Variants in NAALADL2 observed in about 807,000 individuals in gnomAD.
NAALADL2 encodes the protein N-acetylated alpha-linked acidic dipeptidase like 2, also known as inactive N-acetylated-alpha-linked acidic dipeptidase-like protein 2.
A neutral mutation model predicts 87.2 loss-of-function variants in NAALADL2; 76 were observed. The observed-to-expected ratio is 0.87, with a 90% CI of 0.72 to 1.05. The LOEUF is 1.05. Ranked by LOEUF, NAALADL2 falls within the 50% of genes least tolerant of loss-of-function variation. NAALADL2 has a pLI of 0.00. For missense variants in NAALADL2, 1,089 were observed against 945.8 expected, an observed-to-expected ratio of 1.15 and a Z score of -1.99; for synonymous variants, 354 against 331.0, an observed-to-expected ratio of 1.07 and a Z score of -0.75.
intron 1 of NAALADL2, 77 bp downstream of exon 1, chr3:174,859,527 G>A: frequency 8.0e-7 from 1 of 1,251,948 alleles, no homozygotes; most frequent in Non-Finnish European, 1.2e-6. Flanking sequence ...AAGTCTGTGT[G>A]TTTCTGTGTA....
At chr3:175,534,981 A>G (rs1734611698) in intron 9 of NAALADL2, among the ~76,000 whole-genome samples, 1 of 152,016 alleles carries the variant, frequency 6.6e-6, no homozygotes. Context: ...CTCAGGGTCA[A>G]AATCTCTACT....
At chr3:174,804,977 G>T (rs1253880214) in intron 3 of NAALADL2, among the ~76,000 whole-genome samples, 1 of 152,124 alleles carries the variant, frequency 6.6e-6, no homozygotes, top group Non-Finnish European at 1.5e-5. Context: ...TCAGCAAGTA[G>T]TTAATCCTTC....
intron 1 of NAALADL2, among the ~76,000 whole-genome samples, chr3:174,875,759 A>C (rs750073799): frequency 1.3e-5 from 2 of 151,444 alleles, no homozygotes; most frequent in East Asian, 1.9e-4. Flanking sequence ...GCATTTTTTC[A>C]TAAGCATTTA....
intron 4 of NAALADL2, chr3:175,257,076 A>G (rs1323856901): frequency 6.6e-6 from 1 of 152,030 alleles, no homozygotes; most frequent in Non-Finnish European, 1.5e-5. Flanking sequence ...ATTTTATTTG[A>G]ATGGAAGTTT....
chr3:174,610,428 C>CTAA (rs1187682385), intron 2 of NAALADL2, among the ~76,000 whole-genome samples: 3 of 151,450 alleles, frequency 2.0e-5, no homozygotes, highest in African/African-American at 7.3e-5. Flanking sequence ...TGACAAAGGG[C>CTAA]TAATATCCAG....
chr3:175,225,536 T>C (rs933813490), intron 2 of NAALADL2, among the ~76,000 whole-genome samples: 1 of 152,114 alleles, frequency 6.6e-6, no homozygotes, highest in Non-Finnish European at 1.5e-5. Context: ...GAAAAGGGAA[T>C]CTTTGTTAGT....
In NAALADL2 at chr3:175,287,371, G is replaced by A. The variant is rs937650352; in HGVS notation, c.939+30841G>A. Reference sequence around the variant, plus strand: ...TTTACCCAGCAACAGGAAACATTTAGCTACCCCCAAACAATGAAAATTGTA... The same window carrying A: ...TTTACCCAGCAACAGGAAACATTTAACTACCCCCAAACAATGAAAATTGTA... On this transcript the variant is annotated intron_variant, in intron 4 of 13. Transcript: ENST00000454872. 1.5e-4 allele frequency among the ~76,000 whole-genome samples: 23 copies of A among 152,130 alleles called. 1 individual carries two copies. Among genetic ancestry groups the A allele is most frequent in the African/African-American group, 5.5e-4 (23 of 41,510 alleles).
At chr3:174,777,525 T>C (rs1414245080) in intron 3 of NAALADL2, among the ~76,000 whole-genome samples, 1 of 152,104 alleles carries the variant, frequency 6.6e-6, no homozygotes, top group African/African-American at 2.4e-5. Flanking sequence ...ACTTAAAAAG[T>C]TCATCAGCTG....
Position 174,631,817 on chromosome 3 carries a change from G to C in NAALADL2, c.-115+81180G>C, listed in dbSNP as rs535678820. 5 of 152,238 alleles carry C rather than the reference G, an allele frequency of 3.3e-5. No homozygotes were observed. In the East Asian group the frequency reaches 9.7e-4, roughly 29 times the overall value. The allele number at this position is 152,238 out of a possible 1,614,324, so 9.4% of individuals were successfully genotyped here. On this transcript the variant is annotated intron_variant, in intron 2 of 3. Transcript: ENST00000434257. Reference sequence around the variant, plus strand: ...TCAGCAAATGTTTCATGACATTCAGGTTACTGGATCTGAGAGAAAACTAGC... The same window carrying C: ...TCAGCAAATGTTTCATGACATTCAGCTTACTGGATCTGAGAGAAAACTAGC...
At chr3:174,547,407 T>A (rs1711529007) in intron 1 of NAALADL2, among the ~76,000 whole-genome samples, 1 of 152,146 alleles carries the variant, frequency 6.6e-6, no homozygotes, top group Non-Finnish European at 1.5e-5. Flanking sequence ...TGGATTATAG[T>A]GTCCTGTGTG....
intron 11 of NAALADL2, among the ~76,000 whole-genome samples, chr3:175,652,982 T>G (rs1266209958): frequency 6.6e-6 from 1 of 152,134 alleles, no homozygotes; most frequent in Non-Finnish European, 1.5e-5. Context: ...TGACACATAT[T>G]TTGTATGTTA....
chr3:174,615,086 G>A (rs894653422), intron 2 of NAALADL2, among the ~76,000 whole-genome samples: 4 of 152,148 alleles, frequency 2.6e-5, no homozygotes, highest in Non-Finnish European at 5.9e-5. Flanking sequence ...TGAGGTTTCC[G>A]TAGGGCAAGG....
intron 3 of NAALADL2, among the ~76,000 whole-genome samples, chr3:174,814,265 C>T (rs573140129): frequency 6.6e-5 from 10 of 152,012 alleles, no homozygotes; most frequent in East Asian, 3.9e-4. Flanking sequence ...CCTACCGCCA[C>T]GCCTGGCTAA....
At position 175,057,734 on chromosome 3, in the gene NAALADL2, T is replaced by A. The variant is rs1712522965; in HGVS notation, c.44-39056T>A. Among the ~76,000 whole-genome samples, 3 of 152,332 alleles carry A rather than the reference T, an allele frequency of 2.0e-5. No individual in the cohort carries two copies. The South Asian group carries it at 6.2e-4, about 32-fold the overall frequency. ...ACTAAGATTCCTGCTTATACTCATA[T>A]GAGAAAAGGAATCCAGATCGTTGGC... is the stretch of plus-strand genomic sequence containing the variant. On this transcript the variant is annotated intron_variant, in intron 1 of 13. Coordinates refer to ENST00000454872, the MANE Select transcript of NAALADL2 (RefSeq NM_207015.3).
At chr3:174,668,995 A>T (rs1343828092) in intron 2 of NAALADL2, among the ~76,000 whole-genome samples, 1 of 152,164 alleles carries the variant, frequency 6.6e-6, no homozygotes, top group African/African-American at 2.4e-5. Context: ...GAATTGCCAC[A>T]CTGACTTCCA....
chr3:175,760,082 A>T (rs1217040703), intron 13 of NAALADL2, among the ~76,000 whole-genome samples: 1 of 152,130 alleles, frequency 6.6e-6, no homozygotes, highest in Non-Finnish European at 1.5e-5. Context: ...GGTGTCAGGA[A>T]TGAAGAGCAA....
At chr3:175,561,253 T>A (rs1219882384) in intron 9 of NAALADL2, among the ~76,000 whole-genome samples, 3 of 152,180 alleles carry the variant, frequency 2.0e-5, no homozygotes, top group African/African-American at 4.8e-5. Flanking sequence ...ATGCACATCC[T>A]TCCCTATACT....
intron 2 of NAALADL2, among the ~76,000 whole-genome samples, chr3:174,607,821 A>G (rs1365738473): frequency 1.3e-5 from 2 of 152,126 alleles, no homozygotes; most frequent in Non-Finnish European, 2.9e-5. Context: ...TGGACCTAAT[A>G]GACATCTGCA....
intron 1 of NAALADL2, among the ~76,000 whole-genome samples, chr3:174,519,866 C>G (rs1334665573): frequency 2.4e-4 from 37 of 152,120 alleles, no homozygotes; most frequent in Non-Finnish European, 1.5e-5. Context: ...CCACCTATGA[C>G]AAACCCACAG....
Sources: allele counts gnomAD v4.1 joint callset (sites outside exome capture counted in the v4.1 genomes callset), GRCh38; gene constraint gnomAD v4.1.1; transcripts MANE v1.5; gene names NCBI Gene and HGNC (gene_info 2026-07-23, HGNC 2026-07-21).